The following LIMS1 variants were observed in gnomAD, a reference collection of about 807,000 sequenced individuals.
LIMS1 encodes LIM zinc finger domain containing 1, also known as LIM and senescent cell antigen-like-containing domain protein 1.
Under a neutral mutation model 44.1 loss-of-function variants are expected in LIMS1, and 18 were observed. That is an observed-to-expected ratio of 0.41 (90% CI 0.28 to 0.61). The LOEUF (loss-of-function observed/expected upper bound fraction) is 0.61. Ranked by LOEUF, LIMS1 falls within the 20% of genes least tolerant of loss-of-function variation. LIMS1 has a pLI of 0.32. For synonymous variants in LIMS1, 93 were observed against 149.1 expected (o/e 0.62, Z 2.74); for missense variants, 201 against 422.0 (o/e 0.48, Z 4.59).
At chr2:108,562,384 A>T (rs1297745338) in intron 1 of LIMS1, among the ~76,000 whole-genome samples, 3 of 152,236 alleles carry the variant, frequency 2.0e-5, no homozygotes, top group Non-Finnish European at 4.4e-5. Context: ...AGCCTCTTGC[A>T]CCAGTTAGCC....
intron 1 of LIMS1, among the ~76,000 whole-genome samples, chr2:108,625,304 T>C (rs1688497209): frequency 1.3e-5 from 2 of 152,232 alleles, no homozygotes; most frequent in Non-Finnish European, 2.9e-5. Context: ...TATTTGTATG[T>C]GTTGCCTGTG....
chr2:108,664,900 C>G (rs1691641439), intron 2 of LIMS1, among the ~76,000 whole-genome samples: 1 of 152,128 alleles, frequency 6.6e-6, no homozygotes, highest in Non-Finnish European at 1.5e-5. Context: ...TTTCTGGATC[C>G]TTTTCTCTTT....
At chr2:108,591,491 G>C (rs911718608) in intron 1 of LIMS1, among the ~76,000 whole-genome samples, 5 of 152,084 alleles carry the variant, frequency 3.3e-5, no homozygotes, top group African/African-American at 1.2e-4. Context: ...ACAAGGTCTT[G>C]CTCTGTCACC....
rs1423034622 is a variant in LIMS1 at position 108,551,519 on chromosome 2, A to G, written c.32+16925A>G. ...CACACACACACACACACACACACACACACACACACACACGAGACCTCTGTA... is the reference window on the plus strand; with the variant it reads ...CACACACACACACACACACACACACGCACACACACACACGAGACCTCTGTA... On this transcript the variant is annotated intron_variant, in intron 1 of 9. Coordinates refer to ENST00000544547, the Ensembl canonical transcript of LIMS1. Among the ~76,000 whole-genome samples the G allele has an allele frequency of 2.1e-5, 3 of 144,854 alleles. No homozygotes were observed. The East Asian group carries it at 6.5e-4, about 31-fold the overall frequency.
Position 108,562,994 on chromosome 2 carries a change from T to G in LIMS1, c.32+28400T>G, listed in dbSNP as rs146054261. ...AAGCCAGAGCCCTTAAGAATTATGCTAAATCTACTCTGCCTCTGCTCTATA... is the reference window on the plus strand; with the variant it reads ...AAGCCAGAGCCCTTAAGAATTATGCGAAATCTACTCTGCCTCTGCTCTATA... On this transcript the variant is annotated intron_variant, in intron 1 of 9. Coordinates refer to ENST00000544547, the Ensembl canonical transcript of LIMS1. Among the ~76,000 whole-genome samples the G allele has an allele frequency of 4.4e-3, 671 of 152,350 alleles. 4 individuals are homozygous for G. The highest frequency in any genetic ancestry group is 0.014 in the South Asian group (68 of 4,834).
intron 9 of LIMS1, chr2:108,681,427 C>CAT: frequency 4.7e-6 from 4 of 854,800 alleles, no homozygotes; most frequent in Non-Finnish European, 5.6e-6. Flanking sequence ...ACATTTCTTT[C>CAT]TTTTTTTTTT....
At chr2:108,558,826 A>C (rs1685016733) in intron 1 of LIMS1, among the ~76,000 whole-genome samples, 1 of 151,624 alleles carries the variant, frequency 6.6e-6, no homozygotes. Flanking sequence ...GTATGCCACC[A>C]CACCTGGCTA....
intron 1 of LIMS1, among the ~76,000 whole-genome samples, chr2:108,537,551 G>A (rs890088521): frequency 1.3e-5 from 2 of 152,210 alleles, no homozygotes; most frequent in Non-Finnish European, 2.9e-5. Flanking sequence ...GGGCCTAAGT[G>A]TATTCACACT....
In LIMS1 at chr2:108,666,824, A is replaced by T. The variant is rs1318677967; in HGVS notation, c.193-3957A>T. Among the ~76,000 whole-genome samples, 7 of 152,170 alleles carry T rather than the reference A, an allele frequency of 4.6e-5. No homozygotes were observed. The East Asian group carries it at 1.3e-3, about 29-fold the overall frequency. ...ATAATAATAATAAAATAAATTTTTA[A>T]AAAGGATATTACAAAGGATACAGCT... On this transcript the variant is annotated intron_variant, in intron 2 of 9. Coordinates refer to ENST00000544547, the Ensembl canonical transcript of LIMS1.
chr2:108,632,385 A>G (rs186364393), intron 1 of LIMS1, among the ~76,000 whole-genome samples: 1 of 152,306 alleles, frequency 6.6e-6, no homozygotes, highest in East Asian at 1.9e-4. Flanking sequence ...AAATTCAGCC[A>G]TCTTCTCTGC....
chr2:108,535,406 T>G (rs1684097485), intron 1 of LIMS1, among the ~76,000 whole-genome samples: 1 of 152,220 alleles, frequency 6.6e-6, no homozygotes, highest in South Asian at 2.1e-4. Context: ...CACAGTTTCG[T>G]TAAAATTCCT....
intron 1 of LIMS1, among the ~76,000 whole-genome samples, chr2:108,641,011 A>G (rs1309807610): frequency 6.6e-6 from 1 of 152,094 alleles, no homozygotes; most frequent in African/African-American, 2.4e-5. Context: ...TTTTGCTTTC[A>G]CATATGAGTG....
At chr2:108,607,552 C>T (rs535915366) in intron 1 of LIMS1, among the ~76,000 whole-genome samples, 18 of 152,146 alleles carry the variant, frequency 1.2e-4, no homozygotes, top group South Asian at 4.1e-4. Flanking sequence ...ATACCATGGG[C>T]GGAGTTCCAT....
chr2:108,594,028 A>G (rs538412409), intron 1 of LIMS1, among the ~76,000 whole-genome samples: 17 of 152,332 alleles, frequency 1.1e-4, no homozygotes, highest in African/African-American at 3.4e-4. Flanking sequence ...AAATTCAGAC[A>G]ATAGCAGTGA....
intron 1 of LIMS1, among the ~76,000 whole-genome samples, chr2:108,594,665 A>G (rs1686574626): frequency 6.6e-6 from 1 of 152,202 alleles, no homozygotes; most frequent in South Asian, 2.1e-4. Context: ...GTAGCCATTT[A>G]AAACAGGAAA....
At chr2:108,580,305 A>G (rs771197753) in intron 1 of LIMS1, among the ~76,000 whole-genome samples, 1 of 152,208 alleles carries the variant, frequency 6.6e-6, no homozygotes, top group Non-Finnish European at 1.5e-5. Context: ...ATAGTATCTG[A>G]TTAACTTAGT....
intron 1 of LIMS1, among the ~76,000 whole-genome samples, chr2:108,598,687 T>C (rs915159023): frequency 7.9e-5 from 12 of 152,346 alleles, no homozygotes; most frequent in African/African-American, 2.6e-4. Context: ...TTATGCCAGT[T>C]CAGGCAACAC....
At chr2:108,572,380 C>CTTTTTTTTTTT (rs780841996) in intron 1 of LIMS1, among the ~76,000 whole-genome samples, 1 of 112,754 alleles carries the variant, frequency 8.9e-6, no homozygotes. Context: ...GGGACTCTTG[C>CTTTTTTTTTTT]TTTTTTTTTT....
chr2:108,653,488 G>A (rs1454501175), intron 1 of LIMS1, among the ~76,000 whole-genome samples: 5 of 150,978 alleles, frequency 3.3e-5, no homozygotes, highest in East Asian at 3.9e-4. Context: ...TGTGCCTTGC[G>A]CCTGTTCTGT....
Sources: gnomAD v4.1 joint callset for allele counts (sites outside exome capture counted in the v4.1 genomes callset) on GRCh38, gnomAD v4.1.1 for gene constraint, MANE v1.5 for transcripts, NCBI Gene and HGNC (gene_info 2026-07-23, HGNC 2026-07-21) for gene names.